Variants in CEP76 observed in about 807,000 individuals in gnomAD.
CEP76 encodes the protein centrosomal protein of 76 kDa.
Under a neutral mutation model 83.3 loss-of-function variants are expected in CEP76, and 55 were observed. The ratio of observed to expected loss-of-function variants is 0.66; its 90% confidence interval spans 0.53 to 0.83. The LOEUF (loss-of-function observed/expected upper bound fraction) is 0.83, where lower values mean the gene tolerates loss of function less well. CEP76 is among the 40% of genes least tolerant of loss of function. The pLI, the probability that CEP76 is intolerant of heterozygous loss-of-function variation, is 0.00. For synonymous variants in CEP76, 270 were observed against 274.5 expected, an observed-to-expected ratio of 0.98 and a Z score of 0.16; for missense variants, 694 against 799.5, an observed-to-expected ratio of 0.87 and a Z score of 1.59.
intron 4 of CEP76, among the ~76,000 whole-genome samples, chr18:12,698,146 T>C (rs987986088): frequency 6.7e-6 from 1 of 150,298 alleles, no homozygotes; most frequent in Non-Finnish European, 1.5e-5. Context: ...CATCTAAATT[T>C]GACTTTTTAT....
exon 13 of CEP76, chr18:12,662,099 A>C (rs980163027): frequency 1.2e-5 from 5 of 428,908 alleles, no homozygotes; most frequent in African/African-American, 1.0e-4. Context: ...TCTTTCAGGG[A>C]GCACCATCAC....
At position 12,678,265 on chromosome 18, in the gene CEP76, T is replaced by A; in HGVS notation, c.1467A>T (p.Lys489Asn). 3 of 1,614,124 alleles carry A rather than the reference T, an allele frequency of 1.9e-6. No homozygotes were observed. Among genetic ancestry groups the A allele is most frequent in the Non-Finnish European group, 1.7e-6 (2 of 1,180,034 alleles). ...VFDLNDESKWKPMSEEAIKSV... is the reference protein window; with the variant it reads ...VFDLNDESKWNPMSEEAIKSV... ...ATTTAATTGCTTCCTCACTCATGGG[T>A]TTCCATTTGGATTCATCGTTCAAAT... Residue 489 changes from lysine (K) to asparagine (N), a missense_variant, in exon 10 of 12, where the codon AAA becomes AAT. Coordinates refer to ENST00000262127, the MANE Select transcript of CEP76 (RefSeq NM_024899.4).
At chr18:12,692,954 C>G (rs746742813) in intron 6 of CEP76, among the ~76,000 whole-genome samples, 1 of 152,154 alleles carries the variant, frequency 6.6e-6, no homozygotes, top group Non-Finnish European at 1.5e-5. Context: ...TCCCCAGTAG[C>G]TGGGACTACA....
At chr18:12,662,168 A>G (rs545744875) in exon 13 of CEP76, 1 of 448,746 alleles carries the variant, frequency 2.2e-6, no homozygotes, top group Non-Finnish European at 4.5e-6. Flanking sequence ...AGGCACATTC[A>G]CCTAGAAAAG....
At chr18:12,695,534 G>A (rs1002284253) in intron 5 of CEP76, among the ~76,000 whole-genome samples, 183 bp from the exon 6 acceptor site, 1 of 151,920 alleles carries the variant, frequency 6.6e-6, no homozygotes, top group African/African-American at 2.4e-5. Context: ...TTAAACAAAG[G>A]TGTTTAATTA....
intron 9 of CEP76, among the ~76,000 whole-genome samples, chr18:12,680,033 G>A (rs1453439612): frequency 4.1e-4 from 60 of 147,052 alleles, no homozygotes; most frequent in Admixed American, 1.4e-3. Flanking sequence ...TCCAGCCTGA[G>A]CAACAGAATG....
At chr18:12,696,123 T>C (rs2039948087) in intron 5 of CEP76, among the ~76,000 whole-genome samples, 1 of 152,242 alleles carries the variant, frequency 6.6e-6, no homozygotes, top group Non-Finnish European at 1.5e-5. Context: ...AATTGGGTAT[T>C]GTTTTTGAAA....
downstream of CEP76, among the ~76,000 whole-genome samples, chr18:12,667,703 G>A (rs2038829853): frequency 6.7e-6 from 1 of 148,768 alleles, no homozygotes; most frequent in African/African-American, 2.5e-5. Flanking sequence ...AGAGGTTGCA[G>A]TGAACCAAGA....
chr18:12,681,962 C>T (rs1178244856), intron 8 of CEP76, among the ~76,000 whole-genome samples: 1 of 150,900 alleles, frequency 6.6e-6, no homozygotes, highest in East Asian at 1.9e-4. Flanking sequence ...TGCCACTGCA[C>T]TCCAGCCTGG....
At chr18:12,669,592 GCATA>G (rs1366799369), downstream of CEP76, among the ~76,000 whole-genome samples, 5 of 152,004 alleles carry the variant, frequency 3.3e-5, no homozygotes, top group Non-Finnish European at 7.4e-5. Context: ...GGGACTGTTG[GCATA>G]CATATTGTCA....
chr18:12,701,140 T>C (rs753422641), intron 1 of CEP76, 27 bp from the exon 2 acceptor site: 1 of 1,582,828 alleles, frequency 6.3e-7, no homozygotes, highest in Admixed American at 1.8e-5. Context: ...TATTACAATT[T>C]ATAACATCAC....
chr18:12,693,134 C>A (rs2039827891), intron 6 of CEP76, among the ~76,000 whole-genome samples: 1 of 151,884 alleles, frequency 6.6e-6, no homozygotes, highest in Admixed American at 6.6e-5. Context: ...TTTAATAGTG[C>A]AATTTTAAAG....
upstream of CEP76, chr18:12,702,737 C>T (rs549995982): frequency 4.8e-6 from 3 of 625,160 alleles, no homozygotes; most frequent in African/African-American, 3.9e-5. Flanking sequence ...GCCCCGGCGG[C>T]GGCGGCGCCA....
chr18:12,684,631 C>T (rs1234518566), intron 8 of CEP76: 5 of 151,996 alleles, frequency 3.3e-5, no homozygotes, highest in African/African-American at 1.2e-4. Context: ...CAGGAGCCCG[C>T]CACCATGGCT....
At chr18:12,663,729 T>A (rs2038746807) in intron 12 of CEP76, among the ~76,000 whole-genome samples, 1 of 152,142 alleles carries the variant, frequency 6.6e-6, no homozygotes, top group African/African-American at 2.4e-5. Flanking sequence ...TGCAAAAATG[T>A]TTTTTCAAGC....
chr18:12,698,682 C>T (rs1056586419), intron 4 of CEP76: 6 of 268,484 alleles, frequency 2.2e-5, no homozygotes, highest in African/African-American at 1.3e-4. Context: ...TCATTTTCCA[C>T]TATATCATCC....
intron 10 of CEP76, among the ~76,000 whole-genome samples, chr18:12,675,896 T>C (rs1217861710): frequency 6.6e-6 from 1 of 152,060 alleles, no homozygotes; most frequent in African/African-American, 2.4e-5. Context: ...CTCAAACTCC[T>C]GACCTCAAGT....
intron 2 of CEP76, chr18:12,700,475 A>T (rs1043065945): frequency 1.3e-5 from 2 of 153,266 alleles, no homozygotes; most frequent in Admixed American, 1.3e-4. Context: ...GCACTGAGAG[A>T]CTATCATCCC....
Position 12,673,361 on chromosome 18 carries a change from G to A in CEP76, c.*4C>T, listed in dbSNP as rs2038997669. The A allele has an allele frequency of 6.3e-7, 1 of 1,597,800 alleles. No individual in the cohort carries two copies. Among genetic ancestry groups the A allele is most frequent in the South Asian group, 1.1e-5 (1 of 88,244 alleles). On this transcript the variant is annotated 3_prime_UTR_variant, in exon 12 of 12. Transcript: ENST00000262127. ...CAGGTATAAATCTTATATAAATATT[G>A]GCCCTATAATACCGAGCGATATTTA... is the stretch of plus-strand genomic sequence containing the variant.
Sources: gnomAD v4.1 joint callset for allele counts (sites outside exome capture counted in the v4.1 genomes callset) on GRCh38, gnomAD v4.1.1 for gene constraint, MANE v1.5 for transcripts, NCBI Gene and HGNC (gene_info 2026-07-23, HGNC 2026-07-21) for gene names.